RASGRF2: variants seen among roughly 807,000 people sequenced by gnomAD.
The protein encoded by RASGRF2 is Ras protein specific guanine nucleotide releasing factor 2.
Under a neutral mutation model 151.0 loss-of-function variants are expected in RASGRF2, and 76 were observed. The ratio of observed to expected loss-of-function variants is 0.50; its 90% confidence interval spans 0.42 to 0.61. The LOEUF (loss-of-function observed/expected upper bound fraction) is 0.61. Ranked by LOEUF, RASGRF2 falls within the 20% of genes least tolerant of loss-of-function variation. The pLI is 0.00. For missense variants in RASGRF2, 1,148 were observed against 1,564.6 expected (o/e 0.73, Z 4.49); for synonymous variants, 504 against 566.5 (o/e 0.89, Z 1.57).
intron 17 of RASGRF2, among the ~76,000 whole-genome samples, chr5:81,166,526 T>C (rs1754512776): frequency 1.3e-5 from 2 of 152,122 alleles, no homozygotes; most frequent in African/African-American, 2.4e-5. Flanking sequence ...CTTGTCTGCT[T>C]ACAGATACTC....
At chr5:81,195,178 G>T (rs1007175849) in intron 18 of RASGRF2, among the ~76,000 whole-genome samples, 6 of 151,794 alleles carry the variant, frequency 4.0e-5, no homozygotes, top group Admixed American at 6.5e-5. Flanking sequence ...CTCCAGGCCT[G>T]CGGGCTCCAC....
At chr5:81,062,875 G>A in intron 2 of RASGRF2, among the ~76,000 whole-genome samples, 1 of 152,122 alleles carries the variant, frequency 6.6e-6, no homozygotes. Flanking sequence ...CAGTAAGTGT[G>A]TGGGGATAGT....
intron 1 of RASGRF2, among the ~76,000 whole-genome samples, chr5:80,991,541 CT>C (rs1748650837): frequency 6.6e-6 from 1 of 152,130 alleles, no homozygotes; most frequent in African/African-American, 2.4e-5. Context: ...CCTTTTTCAC[CT>C]TTTTCCAGTT....
At chr5:81,123,920 A>G (rs1447805742) in intron 16 of RASGRF2, among the ~76,000 whole-genome samples, 153 bp downstream of exon 16, 1 of 152,214 alleles carries the variant, frequency 6.6e-6, no homozygotes, top group Non-Finnish European at 1.5e-5. Context: ...GGCCCTTTGT[A>G]TCTGTGGGTT....
At chr5:81,067,559 T>A (rs1561588922) in intron 2 of RASGRF2, among the ~76,000 whole-genome samples, 2 of 152,188 alleles carry the variant, frequency 1.3e-5, no homozygotes, top group Non-Finnish European at 2.9e-5. Context: ...ACAGACATAA[T>A]AGATTTTTTC....
chr5:81,184,608 T>G (rs1754985034), intron 18 of RASGRF2, among the ~76,000 whole-genome samples: 1 of 152,202 alleles, frequency 6.6e-6, no homozygotes. Flanking sequence ...GGGTACTGTC[T>G]GAATGACAAG....
intron 17 of RASGRF2, among the ~76,000 whole-genome samples, chr5:81,157,827 C>A (rs186700613): frequency 6.6e-6 from 1 of 152,152 alleles, no homozygotes; most frequent in African/African-American, 2.4e-5. Flanking sequence ...GGAAAACCGC[C>A]CCTGTGATTC....
At chr5:80,969,418 G>A (rs1460425791) in intron 1 of RASGRF2, among the ~76,000 whole-genome samples, 3 of 150,318 alleles carry the variant, frequency 2.0e-5, no homozygotes, top group Non-Finnish European at 4.4e-5. Context: ...ACAGGCGTGA[G>A]CCACCACGAC....
intron 1 of RASGRF2, among the ~76,000 whole-genome samples, chr5:81,000,190 C>G (rs73125068): frequency 0.017 from 2,523 of 152,324 alleles, 81 homozygotes; most frequent in African/African-American, 0.057. Flanking sequence ...AAGCAGCCCA[C>G]CTGCCCTGCA....
chr5:81,055,039 G>T (rs1220347535), intron 2 of RASGRF2, among the ~76,000 whole-genome samples: 1 of 152,094 alleles, frequency 6.6e-6, no homozygotes, highest in African/African-American at 2.4e-5. Flanking sequence ...GAGACGATGG[G>T]GTTTTCTAAA....
At chr5:81,187,414 A>G (rs1245557658) in intron 18 of RASGRF2, among the ~76,000 whole-genome samples, 2 of 152,350 alleles carry the variant, frequency 1.3e-5, no homozygotes, top group Non-Finnish European at 1.5e-5. Flanking sequence ...CCCAGCTGTC[A>G]AAATTCCTTC....
intron 18 of RASGRF2, among the ~76,000 whole-genome samples, chr5:81,189,788 T>C (rs987033980): frequency 7.4e-5 from 11 of 149,546 alleles, no homozygotes; most frequent in African/African-American, 2.7e-4. Context: ...CTTGGCTCAC[T>C]GCAACCTACA....
At chr5:81,083,530 T>G (rs376918228) in intron 7 of RASGRF2, among the ~76,000 whole-genome samples, 30 of 152,352 alleles carry the variant, frequency 2.0e-4, no homozygotes, top group African/African-American at 7.0e-4. Context: ...TATGGAAACA[T>G]GGAGAAATTG....
At chr5:81,127,429 A>C (rs754213578) in intron 17 of RASGRF2, among the ~76,000 whole-genome samples, 29 of 152,126 alleles carry the variant, frequency 1.9e-4, no homozygotes, top group Non-Finnish European at 2.5e-4. Flanking sequence ...ACGCTGAGGC[A>C]GAAAAATCAC....
At chr5:81,136,166 C>A (rs1331158254) in intron 17 of RASGRF2, among the ~76,000 whole-genome samples, 1 of 152,172 alleles carries the variant, frequency 6.6e-6, no homozygotes, top group African/African-American at 2.4e-5. Flanking sequence ...GCAAAGTTAT[C>A]TTTTAGATCA....
intron 1 of RASGRF2, among the ~76,000 whole-genome samples, chr5:81,029,716 T>C (rs1426852439): frequency 6.6e-6 from 1 of 152,096 alleles, no homozygotes; most frequent in East Asian, 1.9e-4. Context: ...GCAGAAAAGC[T>C]GAAAATTATA....
intron 1 of RASGRF2, among the ~76,000 whole-genome samples, chr5:81,031,120 C>G (rs1750229013): frequency 6.6e-6 from 1 of 152,170 alleles, no homozygotes; most frequent in Admixed American, 6.5e-5. Context: ...TATATATGCA[C>G]CCAATCCAGG....
intron 17 of RASGRF2, among the ~76,000 whole-genome samples, chr5:81,157,220 G>A (rs1051622342): frequency 4.6e-5 from 7 of 151,940 alleles, no homozygotes; most frequent in Admixed American, 3.9e-4. Flanking sequence ...CAGGTGCGGT[G>A]GTGGGCGCCT....
At chr5:81,222,343 G>T (rs1755873670) in intron 26 of RASGRF2, among the ~76,000 whole-genome samples, 1 of 152,184 alleles carries the variant, frequency 6.6e-6, no homozygotes, top group African/African-American at 2.4e-5. Flanking sequence ...AACAGTGAGA[G>T]ACACACTTTC....
Sources: allele counts gnomAD v4.1 joint callset (sites outside exome capture counted in the v4.1 genomes callset), GRCh38; gene constraint gnomAD v4.1.1; transcripts MANE v1.5; gene names NCBI Gene and HGNC (gene_info 2026-07-23, HGNC 2026-07-21).